Variants in GPR143 observed in about 807,000 individuals in gnomAD.
The protein encoded by GPR143 is G protein-coupled receptor 143.
GPR143 carries 8 observed loss-of-function variants against 27.6 expected under a neutral mutation model. That is an observed-to-expected ratio of 0.29 (90% confidence interval 0.17 to 0.52). GPR143 has a LOEUF of 0.52. GPR143 is among the 20% of genes least tolerant of loss of function. The pLI, the probability that GPR143 is intolerant of heterozygous loss-of-function variation, is 0.96. For synonymous variants in GPR143, 156 were observed against 153.2 expected (o/e 1.02, Z -0.13); for missense variants, 303 against 343.1 (o/e 0.88, Z 0.92).
At chrX:9,759,163 C>T (rs1569123677) in intron 3 of GPR143, among the ~76,000 whole-genome samples, 169 bp downstream of exon 3, 7 of 111,594 alleles carry the variant, frequency 6.3e-5, no homozygotes, top group Admixed American at 2.9e-4. Flanking sequence ...TGCCTTTGGC[C>T]TCTTATAAAA....
At chrX:9,749,656 T>G (rs1784655840) in intron 3 of GPR143, among the ~76,000 whole-genome samples, 1 of 112,735 alleles carries the variant, frequency 8.9e-6, no homozygotes, top group Admixed American at 9.4e-5. Context: ...TGAGGCAGTA[T>G]CTTGCTATGT....
intron 5 of GPR143, among the ~76,000 whole-genome samples, chrX:9,744,776 A>G (rs1412272429): frequency 2.7e-5 from 3 of 112,442 alleles, no homozygotes; most frequent in African/African-American, 9.7e-5. Flanking sequence ...GACAAGTTAG[A>G]AAATATTTAA....
Position 9,759,350 on chromosome X carries a change from C to T in GPR143, c.437G>A (p.Arg146Gln), listed in dbSNP as rs767508273. Reference sequence around the variant, plus strand: ...TGAATACCTCAGTCCTGCCGATCTCCGGATCACCAGATAAGCATCCACTGC... The same window carrying T: ...TGAATACCTCAGTCCTGCCGATCTCTGGATCACCAGATAAGCATCCACTGC... ...CYAVDAYLVI[R>Q]RSAGLSTILL... is the part of the protein sequence containing the mutation. Residue 146 changes from arginine to glutamine, a missense_variant, in exon 3 of 9, where the codon CGG becomes CAG. Coordinates refer to ENST00000467482, the MANE Select transcript of GPR143 (RefSeq NM_000273.3). 16 of 1,184,259 alleles carry T rather than the reference C, an allele frequency of 1.4e-5. No homozygotes were observed. The highest frequency in any genetic ancestry group is 2.2e-5 in the Admixed American group (1 of 44,902).
intron 8 of GPR143, among the ~76,000 whole-genome samples, chrX:9,727,563 T>C (rs1388418111): frequency 8.8e-6 from 1 of 113,258 alleles, no homozygotes; most frequent in Non-Finnish European, 1.9e-5. Flanking sequence ...TGACCAAGAA[T>C]AAAATCCTGC....
chrX:9,740,753 CTTTTTTTT>C (rs374177494), intron 7 of GPR143: 15 of 258,237 alleles, frequency 5.8e-5, no homozygotes, highest in East Asian at 1.6e-4. Flanking sequence ...TTCTTTCTTT[CTTTTTTTT>C]TTTTTTTTTT....
chrX:9,739,798 A>AG, intron 7 of GPR143, 79 bp from the exon 8 acceptor site: 8 of 674,239 alleles, frequency 1.2e-5, no homozygotes, highest in Non-Finnish European at 1.9e-5. Flanking sequence ...ACAGAGTGAC[A>AG]CACTCCCCCC....
upstream of GPR143, chrX:9,765,917 C>T (rs1242774544): frequency 3.6e-6 from 3 of 840,951 alleles, no homozygotes; most frequent in Non-Finnish European, 4.6e-6. Context: ...TGCCCTGGGC[C>T]TCTCCCCCAC....
chrX:9,763,274 T>C (rs1449276910), intron 1 of GPR143, among the ~76,000 whole-genome samples: 1 of 110,329 alleles, frequency 9.1e-6, no homozygotes, highest in East Asian at 2.8e-4. Context: ...AGCCTAGAAG[T>C]TTGACCAGCC....
intron 1 of GPR143, among the ~76,000 whole-genome samples, chrX:9,765,019 G>A (rs2083522668): frequency 2.1e-5 from 1 of 47,279 alleles, no homozygotes; most frequent in East Asian, 4.5e-4. Context: ...GCAAGACTCC[G>A]TCTCAAAAAA....
chrX:9,734,095 AAAG>A (rs1388970653), intron 8 of GPR143, among the ~76,000 whole-genome samples: 13 of 108,515 alleles, frequency 1.2e-4, no homozygotes, highest in South Asian at 3.8e-4. Flanking sequence ...AAAAAAAAAA[AAAG>A]AAGAAGAATA....
intron 1 of GPR143, among the ~76,000 whole-genome samples, chrX:9,772,014 G>A (rs1315752694): frequency 9.0e-6 from 1 of 111,076 alleles, no homozygotes; most frequent in Non-Finnish European, 1.9e-5. Context: ...CCCGGCTGGA[G>A]CATTCTCAAC....
chrX:9,771,226 T>G (rs1285962930), intron 1 of GPR143, among the ~76,000 whole-genome samples: 1 of 111,248 alleles, frequency 9.0e-6, no homozygotes, highest in Non-Finnish European at 1.9e-5. Flanking sequence ...GTCTGGCTAA[T>G]TAAAAAAAAA....
Position 9,765,831 on chromosome X carries a change from G to A in GPR143, c.-14C>T, listed in dbSNP as rs762485306. On this transcript the variant is annotated 5_prime_UTR_variant, in exon 1 of 9. Coordinates refer to ENST00000467482, the MANE Select transcript of GPR143 (RefSeq NM_000273.3). ...CGGGGAGGCCATGGGCTGTGTTCGC[G>A]GACGCGGCTCGGGTGTGCCAGGACC... The A allele has an allele frequency of 1.2e-3, 1,320 of 1,079,444 alleles. 2 individuals are homozygous for A. Among genetic ancestry groups the A allele is most frequent in the Non-Finnish European group, 1.4e-3 (1,206 of 832,762 alleles). 89.0% of individuals were successfully genotyped at this position (1,079,444 alleles called of 1,213,427 possible). A position where few individuals can be genotyped will look rare whatever the true frequency, so the allele number is the denominator to read the frequency against.
chrX:9,744,929 A>T (rs767791235), intron 5 of GPR143, among the ~76,000 whole-genome samples: 1 of 111,739 alleles, frequency 8.9e-6, no homozygotes, highest in South Asian at 3.8e-4. Context: ...ATTTTGTCTT[A>T]AAATGCTATA....
At chrX:9,757,810 G>A (rs568980322) in intron 3 of GPR143, among the ~76,000 whole-genome samples, 34 of 111,139 alleles carry the variant, frequency 3.1e-4, no homozygotes, top group African/African-American at 1.1e-3. Context: ...TCACTCTGTC[G>A]CCCAGGCTGG....
upstream of GPR143, chrX:9,766,086 G>A (rs2083532275): frequency 1.7e-5 from 4 of 236,484 alleles, no homozygotes; most frequent in African/African-American, 8.6e-5. Context: ...GAGGAGGGAA[G>A]TGGAAGGAGA....
chrX:9,730,782 G>A (rs906067173), intron 8 of GPR143, among the ~76,000 whole-genome samples: 27 of 112,186 alleles, frequency 2.4e-4, no homozygotes, highest in African/African-American at 8.4e-4. Flanking sequence ...TTGAAAGGCA[G>A]CCACTGAGTG....
At chrX:9,759,184 G>C in intron 3 of GPR143, 148 bp downstream of exon 3, 1 of 495,913 alleles carries the variant, frequency 2.0e-6, no homozygotes, top group Non-Finnish European at 3.7e-6. Context: ...ATGAGCTGCT[G>C]TGGATGTTTC....
chrX:9,753,227 A>T (rs1349587524), intron 3 of GPR143, among the ~76,000 whole-genome samples: 7 of 110,015 alleles, frequency 6.4e-5, no homozygotes, highest in South Asian at 3.9e-4. Flanking sequence ...GTGTGGTGGC[A>T]GGTGCCTGTA....
Sources: gnomAD v4.1 joint callset for allele counts (sites outside exome capture counted in the v4.1 genomes callset) on GRCh38, gnomAD v4.1.1 for gene constraint, MANE v1.5 for transcripts, NCBI Gene and HGNC (gene_info 2026-07-23, HGNC 2026-07-21) for gene names.